IRAG2: variants seen among roughly 807,000 people sequenced by gnomAD.
IRAG2 encodes inositol 1,4,5-triphosphate receptor associated 2.
Under a neutral mutation model 69.9 loss-of-function variants are expected in IRAG2, and 45 were observed. The observed-to-expected ratio is 0.64, with a 90% CI of 0.51 to 0.83. The LOEUF (loss-of-function observed/expected upper bound fraction) is 0.83. IRAG2 is among the 40% of genes least tolerant of loss of function. The probability of loss-of-function intolerance (pLI) is 0.00; values close to 1 mark genes in which losing one functional copy is unlikely to be tolerated. For synonymous variants in IRAG2, 193 were observed against 202.4 expected (o/e 0.95, Z 0.40); for missense variants, 520 against 587.0 (o/e 0.89, Z 1.18).
intron 15 of IRAG2, chr12:25,097,246 A>T (rs1199368356): frequency 2.2e-6 from 1 of 444,584 alleles, no homozygotes; most frequent in African/African-American, 2.1e-5. Flanking sequence ...AATACGATCC[A>T]GTGACAATCA....
chr12:25,026,200 T>TG (rs1393902919), intron 8 of IRAG2, among the ~76,000 whole-genome samples: 5 of 152,154 alleles, frequency 3.3e-5, no homozygotes, highest in South Asian at 2.1e-4. Flanking sequence ...GCAGTATAAA[T>TG]ATACCAGGAT....
chr12:25,039,617 A>G (rs1342044361), intron 16 of IRAG2, among the ~76,000 whole-genome samples: 1 of 152,174 alleles, frequency 6.6e-6, no homozygotes, highest in Admixed American at 6.5e-5. Context: ...TTTTTAGTAG[A>G]GACGGGGTTT....
chr12:25,036,217 C>T (rs1373269270), intron 14 of IRAG2, among the ~76,000 whole-genome samples: 2 of 152,144 alleles, frequency 1.3e-5, no homozygotes, highest in African/African-American at 4.8e-5. Flanking sequence ...TTTCATAGTG[C>T]CTAGCATATA....
At chr12:25,048,880 G>T (rs564634737), upstream of IRAG2, among the ~76,000 whole-genome samples, 2 of 152,232 alleles carry the variant, frequency 1.3e-5, no homozygotes, top group African/African-American at 4.8e-5. Context: ...TTCTTCCAGG[G>T]TTTTTATAGT....
intron 6 of IRAG2, 136 bp downstream of exon 6, chr12:25,069,567 T>C (rs888560226): frequency 4.1e-6 from 3 of 738,846 alleles, no homozygotes; most frequent in Non-Finnish European, 6.6e-6. Context: ...GAGTCTGCTA[T>C]TCCAAAACTC....
chr12:25,099,281 C>T (rs550114208), intron 15 of IRAG2, among the ~76,000 whole-genome samples: 1 of 152,308 alleles, frequency 6.6e-6, no homozygotes, highest in Non-Finnish European at 1.5e-5. Flanking sequence ...CCCCACCAAA[C>T]CTACCCCATG....
Position 25,052,968 on chromosome 12 carries a change from A to T in IRAG2, c.-447+12A>T. 1 of 398,550 alleles carries T rather than the reference A, an allele frequency of 2.5e-6. No individual in the cohort carries two copies. 24.7% of individuals were successfully genotyped at this position (398,550 alleles called of 1,614,324 possible). ...AAGGAAACTGAAGAGTGAGTAGCAA[A>T]TATTCATTTATGACCCAGTTTTTGT... On this transcript the variant is annotated intron_variant, in intron 1 of 21. Transcript: ENST00000556887.
At position 25,108,186 on chromosome 12, in the gene IRAG2, G is replaced by A. The variant is rs532733260; in HGVS notation, c.*126G>A. ...AGGTTCTCAGAATGACTGTAAGATA[G>A]CTTACATTTCCTCTTTTTGCCTTTA... On this transcript the variant is annotated 3_prime_UTR_variant, in exon 22 of 22. Coordinates refer to ENST00000556887, the MANE Select transcript of IRAG2 (RefSeq NM_001366544.2). 2 of 1,053,490 alleles carry A rather than the reference G, an allele frequency of 1.9e-6. No homozygotes were observed. Among genetic ancestry groups the A allele is most frequent in the African/African-American group, 3.2e-5 (2 of 62,784 alleles). The allele number at this position is 1,053,490 out of a possible 1,614,324, so 65.3% of individuals were successfully genotyped here. A position where few individuals can be genotyped will look rare whatever the true frequency, so the allele number is the denominator to read the frequency against.
At chr12:25,081,112 A>G (rs112550529) in intron 9 of IRAG2, among the ~76,000 whole-genome samples, 3,774 of 152,264 alleles carry the variant, frequency 0.025, 145 homozygotes, top group African/African-American at 0.077. Context: ...AAATAGAACA[A>G]TTTTGACAAC....
exon 13 of IRAG2, chr12:25,033,942 G>A (rs572053484): frequency 5.0e-6 from 2 of 398,870 alleles, no homozygotes; most frequent in South Asian, 1.3e-4. Flanking sequence ...TGCTCAGTCT[G>A]CAGAGGTAGG....
chr12:25,106,918 T>C (rs1260291789), intron 20 of IRAG2, 25 bp from the exon 21 acceptor site: 1 of 1,184,832 alleles, frequency 8.4e-7, no homozygotes, highest in Non-Finnish European at 1.2e-6. Flanking sequence ...TAGTTTCAAA[T>C]ATTAAAAACA....
chr12:25,098,152 G>A (rs957459630), intron 15 of IRAG2, among the ~76,000 whole-genome samples: 3 of 152,022 alleles, frequency 2.0e-5, no homozygotes, highest in Non-Finnish European at 4.4e-5. Flanking sequence ...CTCATTTGGC[G>A]AATCTACAAG....
chr12:25,104,738 G>T (rs1948938516), intron 20 of IRAG2, among the ~76,000 whole-genome samples: 1 of 152,098 alleles, frequency 6.6e-6, no homozygotes, highest in South Asian at 2.1e-4. Flanking sequence ...TCCTGTCCAG[G>T]TGTCTGTCTA....
chr12:25,082,833 G>A (rs1015776351), intron 9 of IRAG2, among the ~76,000 whole-genome samples: 1 of 152,042 alleles, frequency 6.6e-6, no homozygotes, highest in African/African-American at 2.4e-5. Context: ...ACTAAATGTA[G>A]GACAATGGAC....
chr12:25,040,556 T>G (rs1345521068), intron 16 of IRAG2, among the ~76,000 whole-genome samples: 4 of 151,648 alleles, frequency 2.6e-5, no homozygotes, highest in African/African-American at 7.3e-5. Context: ...AGAAAATAAA[T>G]GGAGTATTTT....
chr12:25,062,154 C>T (rs1352182594), intron 2 of IRAG2, among the ~76,000 whole-genome samples: 1 of 152,100 alleles, frequency 6.6e-6, no homozygotes, highest in Non-Finnish European at 1.5e-5. Flanking sequence ...TGGTGAATCT[C>T]CTTTTTGTTC....
In IRAG2 at chr12:25,102,377, A is replaced by C. The variant is rs1037738459; in HGVS notation, c.933+136A>C. ...TCATATAGATGTATTTGTTTATCTA[A>C]GTATGCTTTTATACTCTCTGCTATA... On this transcript the variant is annotated intron_variant, in intron 17 of 21. Transcript: ENST00000556887. 7 of 687,830 alleles carry C rather than the reference A, an allele frequency of 1.0e-5. No individual in the cohort carries two copies. The African/African-American group carries it at 1.3e-4, about 12-fold the overall frequency. 42.6% of individuals were successfully genotyped at this position (687,830 alleles called of 1,614,324 possible). A position where few individuals can be genotyped will look rare whatever the true frequency, so the allele number is the denominator to read the frequency against.
chr12:25,064,314 CAAACA>C (rs1945828115), intron 4 of IRAG2, among the ~76,000 whole-genome samples: 1 of 151,536 alleles, frequency 6.6e-6, no homozygotes, highest in Non-Finnish European at 1.5e-5. Flanking sequence ...GTAACATGAG[CAAACA>C]AAACAAAAAA....
upstream of IRAG2, among the ~76,000 whole-genome samples, chr12:25,003,118 T>C (rs1421875939): frequency 6.6e-6 from 1 of 152,220 alleles, no homozygotes; most frequent in Non-Finnish European, 1.5e-5. Flanking sequence ...GAGTATTTTC[T>C]TCTTCCCAGT....
Sources: allele counts gnomAD v4.1 joint callset (sites outside exome capture counted in the v4.1 genomes callset), GRCh38; gene constraint gnomAD v4.1.1; transcripts MANE v1.5; gene names NCBI Gene and HGNC (gene_info 2026-07-23, HGNC 2026-07-21).